AKR1B15: variants seen among roughly 807,000 people sequenced by gnomAD.
AKR1B15 encodes the protein aldo-keto reductase family 1 member B15.
In AKR1B15, 49 loss-of-function variants were observed where a neutral mutation model predicts 38.5. The observed-to-expected ratio is 1.27, with a 90% CI of 1.01 to 1.62. The LOEUF (loss-of-function observed/expected upper bound fraction) is 1.62. Among genes scored for constraint, AKR1B15 ranks in the 40% most tolerant of loss-of-function variants. The pLI is 0.00. For missense variants in AKR1B15, 411 were observed against 381.6 expected, an observed-to-expected ratio of 1.08 and a Z score of -0.64; for synonymous variants, 137 against 135.5, an observed-to-expected ratio of 1.01 and a Z score of -0.08.
chr7:134,575,338 T>G, intron 6 of AKR1B15, 82 bp from the exon 7 acceptor site: 1 of 1,544,004 alleles, frequency 6.5e-7, no homozygotes, highest in East Asian at 2.3e-5. Flanking sequence ...TTTAGCAATT[T>G]CTGCCCCAGG....
chr7:134,561,478 A>C (rs1181557608), intron 2 of AKR1B15, among the ~76,000 whole-genome samples: 1 of 152,220 alleles, frequency 6.6e-6, no homozygotes, highest in African/African-American at 2.4e-5. Context: ...AAATGCTGGG[A>C]TTACAGGTGT....
intron 6 of AKR1B15, among the ~76,000 whole-genome samples, chr7:134,572,296 G>A (rs759665224): frequency 3.3e-5 from 5 of 152,242 alleles, no homozygotes; most frequent in Non-Finnish European, 7.4e-5. Flanking sequence ...CATCTGAATT[G>A]CAAGTCCAAC....
rs142218732 is a variant in AKR1B15, at chr7:134,552,844, G to A, written c.-147+3595G>A. ...CAATTAACCTGGACTTGGTTACCCCGAAGTTTTAAAAATTCCCCCACCCTT... is the reference window on the plus strand; with the variant it reads ...CAATTAACCTGGACTTGGTTACCCCAAAGTTTTAAAAATTCCCCCACCCTT... On this transcript the variant is annotated intron_variant, in intron 1 of 11. Coordinates refer to ENST00000457545, the MANE Select transcript of AKR1B15 (RefSeq NM_001080538.3). 5.9e-4 allele frequency among the ~76,000 whole-genome samples: 89 copies of A among 152,062 alleles called. 2 individuals carry two copies. In the East Asian group the frequency reaches 0.016, roughly 28 times the overall value.
chr7:134,577,640 G>T, intron 10 of AKR1B15, 64 bp from the exon 11 acceptor site: 1 of 1,563,474 alleles, frequency 6.4e-7, no homozygotes, highest in Admixed American at 1.8e-5. Context: ...TAGAATGGCC[G>T]GCAGTCTCCA....
At chr7:134,557,723 C>T (rs1175205849) in intron 2 of AKR1B15, among the ~76,000 whole-genome samples, 2 of 152,176 alleles carry the variant, frequency 1.3e-5, no homozygotes, top group Non-Finnish European at 2.9e-5. Context: ...TAAAAAATTG[C>T]TTCAGCTACA....
intron 4 of AKR1B15, among the ~76,000 whole-genome samples, chr7:134,568,872 A>AT (rs202110324): frequency 0.061 from 9,189 of 151,454 alleles, 437 homozygotes; most frequent in African/African-American, 0.13. Context: ...GCTGAAAAAA[A>AT]AAACAAAACA....
intron 9 of AKR1B15, 36 bp downstream of exon 9, chr7:134,576,466 T>C: frequency 6.2e-7 from 1 of 1,605,606 alleles, no homozygotes; most frequent in Non-Finnish European, 8.5e-7. Context: ...ATCCAACCAC[T>C]CATGCTTCCA....
rs190228069 is a variant in AKR1B15, at chr7:134,564,531, C to G, written c.-22-67C>G. ...CTCCCCTTTCTAGGTCCCATGAAAG[C>G]CATCTTGCTATTACTCACCTTTGGG... On this transcript the variant is annotated intron_variant, in intron 2 of 11. Coordinates refer to ENST00000457545, the MANE Select transcript of AKR1B15 (RefSeq NM_001080538.3). 799 of 574,736 alleles carry G rather than the reference C, an allele frequency of 1.4e-3. 4 individuals carry two copies. Among genetic ancestry groups the G allele is most frequent in the African/African-American group, 0.012 (655 of 52,664 alleles). The allele number at this position is 574,736 out of a possible 1,614,324, so 35.6% of individuals were successfully genotyped here. A position where few individuals can be genotyped will look rare whatever the true frequency, so the allele number is the denominator to read the frequency against.
intron 2 of AKR1B15, among the ~76,000 whole-genome samples, chr7:134,564,154 G>A (rs1161334671): frequency 6.6e-6 from 1 of 152,168 alleles, no homozygotes; most frequent in African/African-American, 2.4e-5. Flanking sequence ...GGTTAGGAAT[G>A]GCTACTGCTA....
chr7:134,562,852 TTC>T (rs1382849803), intron 2 of AKR1B15, among the ~76,000 whole-genome samples: 1 of 110,784 alleles, frequency 9.0e-6, no homozygotes, highest in Admixed American at 8.2e-5. Flanking sequence ...CTTTCTTTCT[TTC>T]TTTCTTTCTT....
At chr7:134,562,104 C>T (rs1422497265) in intron 2 of AKR1B15, among the ~76,000 whole-genome samples, 2 of 152,188 alleles carry the variant, frequency 1.3e-5, no homozygotes, top group African/African-American at 4.8e-5. Flanking sequence ...CTGTCTCAGC[C>T]TCCCAAGTAG....
chr7:134,570,953 G>T (rs1057290395), intron 5 of AKR1B15, among the ~76,000 whole-genome samples: 5 of 152,126 alleles, frequency 3.3e-5, no homozygotes, highest in Admixed American at 6.5e-5. Flanking sequence ...AAACCTCTTG[G>T]GTTATTCTTC....
At chr7:134,554,913 G>A (rs1171992580) in intron 1 of AKR1B15, among the ~76,000 whole-genome samples, 2 of 152,314 alleles carry the variant, frequency 1.3e-5, no homozygotes, top group South Asian at 4.1e-4. Context: ...AAACTCCATT[G>A]TGCCTATCGA....
intron 2 of AKR1B15, among the ~76,000 whole-genome samples, chr7:134,563,418 G>A (rs1197518212): frequency 6.6e-6 from 1 of 152,088 alleles, no homozygotes; most frequent in Non-Finnish European, 1.5e-5. Flanking sequence ...AGTGATGGTG[G>A]GTGCCTGTAA....
rs1386426017 is a variant in AKR1B15 at position 134,570,965 on chromosome 7, A to G, written c.436-639A>G. On this transcript the variant is annotated intron_variant, in intron 5 of 11. Coordinates refer to ENST00000457545, the MANE Select transcript of AKR1B15 (RefSeq NM_001080538.3). The stretch of plus-strand genomic sequence containing the variant: ...AGGAAACCTCTTGGGTTATTCTTCC[A>G]TAACTGTATTCCAGGGCTTAATTAT... Among the ~76,000 whole-genome samples the G allele has an allele frequency of 2.0e-5, 3 of 152,228 alleles. No homozygotes were observed. In the East Asian group the frequency reaches 5.8e-4, roughly 29 times the overall value.
At chr7:134,566,543 G>A (rs1794539654) in intron 3 of AKR1B15, among the ~76,000 whole-genome samples, 1 of 152,178 alleles carries the variant, frequency 6.6e-6, no homozygotes, top group African/African-American at 2.4e-5. Flanking sequence ...GTTAGGCTAA[G>A]TTTGAAGTTG....
chr7:134,555,821 T>C (rs1390945995), intron 1 of AKR1B15, among the ~76,000 whole-genome samples: 2 of 152,166 alleles, frequency 1.3e-5, no homozygotes, highest in Admixed American at 6.5e-5. Flanking sequence ...CTCCAGAGCG[T>C]TGACTTTTAC....
chr7:134,559,371 G>T (rs891777319), intron 2 of AKR1B15, among the ~76,000 whole-genome samples: 5 of 152,182 alleles, frequency 3.3e-5, no homozygotes, highest in African/African-American at 4.8e-5. Flanking sequence ...GGAGAGCCAA[G>T]CTCCCTGCTT....
At chr7:134,576,226 C>G (rs1299484648) in intron 8 of AKR1B15, 123 bp from the exon 9 acceptor site, 10 of 1,145,948 alleles carry the variant, frequency 8.7e-6, no homozygotes, top group Non-Finnish European at 1.2e-5. Flanking sequence ...GCTTCCAGGT[C>G]CTCCTGCCTG....
Sources: gnomAD v4.1 joint callset for allele counts (sites outside exome capture counted in the v4.1 genomes callset) on GRCh38, gnomAD v4.1.1 for gene constraint, MANE v1.5 for transcripts, NCBI Gene and HGNC (gene_info 2026-07-23, HGNC 2026-07-21) for gene names.